The following MYO9A variants were observed in gnomAD, a reference collection of about 807,000 sequenced individuals.
MYO9A encodes myosin IXA.
Under a neutral mutation model 293.3 loss-of-function variants are expected in MYO9A, and 103 were observed. The ratio of observed to expected loss-of-function variants is 0.35; its 90% confidence interval spans 0.30 to 0.41. The LOEUF is 0.41. Ranked by LOEUF, MYO9A falls within the 10% of genes least tolerant of loss-of-function variation. The pLI is 1.00. For synonymous variants in MYO9A, 1,001 were observed against 1,035.7 expected, an observed-to-expected ratio of 0.97 and a Z score of 0.64; for missense variants, 2,685 against 3,033.0, an observed-to-expected ratio of 0.89 and a Z score of 2.69.
rs1180648770 is a variant in MYO9A, at chr15:71,916,435, T to C, written c.2620A>G (p.Ile874Val). ...TGTAAATGAAGAAGAGACTTGGTAA[T>C]GCGATCTTGTAGTGTCAGTCTTGTC... Reference protein sequence around the residue: ...HLTRLTLQDRITKSLLHLHKK... With the variant: ...HLTRLTLQDRVTKSLLHLHKK... Residue 874 changes from isoleucine to valine, a missense_variant, in exon 19 of 42, where the codon ATT (isoleucine) becomes GTT (valine). Transcript: ENST00000356056. The C allele has an allele frequency of 6.2e-7, 1 of 1,613,780 alleles. No homozygotes were observed. Among genetic ancestry groups the C allele is most frequent in the East Asian group, 2.2e-5 (1 of 44,816 alleles).
At chr15:72,108,173 A>C (rs761925482) in intron 1 of MYO9A, among the ~76,000 whole-genome samples, 4 of 152,238 alleles carry the variant, frequency 2.6e-5, no homozygotes, top group Non-Finnish European at 4.4e-5. Context: ...ATTATTGTAC[A>C]TAACAGGAGA....
chr15:71,868,858 A>T (rs1041903716), intron 32 of MYO9A, among the ~76,000 whole-genome samples: 2 of 152,194 alleles, frequency 1.3e-5, no homozygotes, highest in African/African-American at 4.8e-5. Flanking sequence ...GTAAAAATAT[A>T]TCTATTAGAA....
At chr15:71,960,169 T>C (rs932848525) in intron 13 of MYO9A, 73 bp from the exon 14 acceptor site, 4 of 1,323,312 alleles carry the variant, frequency 3.0e-6, no homozygotes, top group African/African-American at 1.5e-5. Flanking sequence ...GGTGATAACA[T>C]ACTTTGGATG....
chr15:72,012,934 G>GT (rs1187618009), intron 6 of MYO9A, among the ~76,000 whole-genome samples: 1 of 152,170 alleles, frequency 6.6e-6, no homozygotes, highest in East Asian at 1.9e-4. Context: ...GAAACCCAAA[G>GT]TGGTCTCAGT....
intron 19 of MYO9A, among the ~76,000 whole-genome samples, chr15:71,913,292 T>C (rs1485624850): frequency 6.6e-6 from 1 of 152,176 alleles, no homozygotes. Context: ...ATATTTAATC[T>C]CTAAAAGTTC....
At chr15:71,903,368 T>C (rs1367913134) in intron 21 of MYO9A, among the ~76,000 whole-genome samples, 1 of 152,106 alleles carries the variant, frequency 6.6e-6, no homozygotes, top group Non-Finnish European at 1.5e-5. Flanking sequence ...GACCCTAAAA[T>C]TTCTATCAGG....
intron 18 of MYO9A, among the ~76,000 whole-genome samples, chr15:71,931,117 A>C (rs2058462970): frequency 6.6e-6 from 1 of 152,232 alleles, no homozygotes; most frequent in Non-Finnish European, 1.5e-5. Context: ...CACTGGCATC[A>C]CATAATTAAA....
chr15:72,016,283 A>G lies in MYO9A; in HGVS notation c.1155+2756T>C, dbSNP rs1393565705. On this transcript the variant is annotated intron_variant, in intron 6 of 41. Coordinates refer to ENST00000356056, the MANE Select transcript of MYO9A (RefSeq NM_006901.4). ...GGTTAAATAACTTGCCAAAGCTTAAAAAAAAAAATCTTATAAATAACAGGG... is the reference window on the plus strand; with the variant it reads ...GGTTAAATAACTTGCCAAAGCTTAAGAAAAAAAATCTTATAAATAACAGGG... Among the ~76,000 whole-genome samples the G allele has an allele frequency of 4.6e-5, 7 of 152,244 alleles. No homozygotes were observed. The East Asian group carries it at 1.2e-3, about 25-fold the overall frequency.
At chr15:71,896,233 G>T (rs899848590) in intron 25 of MYO9A, among the ~76,000 whole-genome samples, 4 of 151,958 alleles carry the variant, frequency 2.6e-5, no homozygotes, top group Non-Finnish European at 4.4e-5. Context: ...AATTTTAAAG[G>T]GTGGAACATT....
chr15:72,084,598 G>C (rs753616348), intron 1 of MYO9A, among the ~76,000 whole-genome samples: 1 of 152,166 alleles, frequency 6.6e-6, no homozygotes, highest in Non-Finnish European at 1.5e-5. Context: ...TTGTGTAGTG[G>C]CTGCTAACAG....
At chr15:72,091,304 G>A (rs1429029168) in intron 1 of MYO9A, among the ~76,000 whole-genome samples, 2 of 151,422 alleles carry the variant, frequency 1.3e-5, no homozygotes, top group Non-Finnish European at 2.9e-5. Context: ...TTTCTTTTTC[G>A]TTTTTATTTC....
chr15:71,967,445 C>G (rs966021250), intron 13 of MYO9A, among the ~76,000 whole-genome samples: 2 of 152,134 alleles, frequency 1.3e-5, no homozygotes, highest in African/African-American at 4.8e-5. Flanking sequence ...TTCCACTATT[C>G]TCCATATCAT....
chr15:72,072,411 G>A (rs557168834), intron 1 of MYO9A, among the ~76,000 whole-genome samples: 105 of 152,250 alleles, frequency 6.9e-4, no homozygotes, highest in Non-Finnish European at 1.1e-3. Flanking sequence ...GATTACAGGC[G>A]TGAACCACAG....
intron 32 of MYO9A, among the ~76,000 whole-genome samples, chr15:71,864,287 T>G (rs1420828906): frequency 2.0e-5 from 3 of 152,186 alleles, no homozygotes; most frequent in Non-Finnish European, 4.4e-5. Context: ...GAAATACTAC[T>G]TCATACCTAC....
intron 18 of MYO9A, among the ~76,000 whole-genome samples, chr15:71,916,976 T>C (rs1308210958): frequency 1.3e-5 from 2 of 152,232 alleles, no homozygotes; most frequent in Admixed American, 6.5e-5. Flanking sequence ...TAGCAGTTTC[T>C]TCCAGATGGC....
chr15:71,855,321 A>C (rs1282594846), intron 34 of MYO9A, among the ~76,000 whole-genome samples: 1 of 152,146 alleles, frequency 6.6e-6, no homozygotes, highest in Admixed American at 6.5e-5. Flanking sequence ...GTTTTAGTAG[A>C]GACGGAGTTT....
intron 37 of MYO9A, 149 bp downstream of exon 37, chr15:71,851,104 G>A (rs976881849): frequency 1.6e-6 from 1 of 628,530 alleles, no homozygotes; most frequent in Admixed American, 3.0e-5. Flanking sequence ...TCTGCTCCAA[G>A]GTATCCTAAC....
intron 14 of MYO9A, chr15:71,959,203 A>G (rs560884885): frequency 6.6e-6 from 1 of 152,350 alleles, no homozygotes; most frequent in South Asian, 2.1e-4. Context: ...TTACAATCTA[A>G]AAAATGGAAA....
intron 18 of MYO9A, among the ~76,000 whole-genome samples, chr15:71,922,618 C>T (rs1420070052): frequency 1.3e-5 from 2 of 152,116 alleles, no homozygotes; most frequent in Admixed American, 1.3e-4. Context: ...CCCTTATACC[C>T]CAAACCTTTG....
Sources: allele counts gnomAD v4.1 joint callset (sites outside exome capture counted in the v4.1 genomes callset), GRCh38; gene constraint gnomAD v4.1.1; transcripts MANE v1.5; gene names NCBI Gene and HGNC (gene_info 2026-07-23, HGNC 2026-07-21).